KIRREL3: variants seen among roughly 807,000 people sequenced by gnomAD.
KIRREL3 encodes the protein kin of IRRE-like protein 3.
In KIRREL3, 36 loss-of-function variants were observed where a neutral mutation model predicts 89.7. That is an observed-to-expected ratio of 0.40 (90% CI 0.31 to 0.53). The LOEUF (loss-of-function observed/expected upper bound fraction) is 0.53. Among genes scored for constraint, KIRREL3 ranks in the 20% least tolerant of loss-of-function variants. The pLI, the probability that KIRREL3 is intolerant of heterozygous loss-of-function variation, is 0.49. For missense variants in KIRREL3, 864 were observed against 1,056.6 expected (o/e 0.82, Z 2.53); for synonymous variants, 445 against 441.4 (o/e 1.01, Z -0.10).
rs1339121615 is a variant in KIRREL3, at chr11:126,566,496, AG to A, written c.56-3585del. On this transcript the variant is annotated intron_variant, in intron 1 of 16. Coordinates refer to ENST00000525144, the MANE Select transcript of KIRREL3 (RefSeq NM_032531.4). The surrounding 1 kb of genome is among the most constrained non-coding windows in gnomAD (Gnocchi z 4.9). ...CTGGCTACAAAATATGGGACTGTGA[AG>A]GGTTCCTTCTGACTCGGGTCAGAAT... Among the ~76,000 whole-genome samples the A allele has an allele frequency of 3.3e-5, 5 of 152,188 alleles. No homozygotes were observed. The highest frequency in any genetic ancestry group is 7.4e-5 in the Non-Finnish European group (5 of 68,024).
At chr11:126,932,221 C>T (rs1947976292) in intron 1 of KIRREL3, among the ~76,000 whole-genome samples, 1 of 152,198 alleles carries the variant, frequency 6.6e-6, no homozygotes, top group Admixed American at 6.5e-5. Flanking sequence ...GTGAAAGGAG[C>T]AGTGTGGCTT....
At chr11:126,913,806 C>T (rs1946923838) in intron 1 of KIRREL3, among the ~76,000 whole-genome samples, 1 of 152,088 alleles carries the variant, frequency 6.6e-6, no homozygotes, top group South Asian at 2.1e-4. Context: ...TTGAAGAGGC[C>T]TGGCAGAGTA....
rs77138136 is a variant in KIRREL3, at chr11:126,872,530, A to G, written c.55+127925T>C. On this transcript the variant is annotated intron_variant, in intron 1 of 16. Transcript: ENST00000525144. This position sits in a 1 kb window ranked among gnomAD's most constrained non-coding sequence, Gnocchi z 4.2. Reference sequence around the variant, plus strand: ...GATTATTTCCTGGGTGAAGCCAAGAACCCTCCCGGACTAAGCCCCAATTTG... The same window carrying G: ...GATTATTTCCTGGGTGAAGCCAAGAGCCCTCCCGGACTAAGCCCCAATTTG... 1.3e-5 allele frequency among the ~76,000 whole-genome samples: 2 copies of G among 151,922 alleles called. No homozygotes were observed. Among genetic ancestry groups the G allele is most frequent in the African/African-American group, 2.4e-5 (1 of 41,332 alleles).
intron 1 of KIRREL3, among the ~76,000 whole-genome samples, chr11:126,701,429 G>A (rs766945798): frequency 2.0e-5 from 3 of 152,094 alleles, no homozygotes; most frequent in South Asian, 2.1e-4. Flanking sequence ...AAGAGGGACA[G>A]CAGGGAGGAA....
At chr11:126,680,285 CA>C (rs138173347) in intron 1 of KIRREL3, among the ~76,000 whole-genome samples, 1 of 151,998 alleles carries the variant, frequency 6.6e-6, no homozygotes, top group African/African-American at 2.4e-5. Context: ...AGTGAAAAGG[CA>C]AAAAATAGGC....
intron 2 of KIRREL3, among the ~76,000 whole-genome samples, chr11:126,552,412 C>G (rs868550553): frequency 9.8e-5 from 15 of 152,310 alleles, no homozygotes; most frequent in Admixed American, 1.3e-4. Flanking sequence ...CTCCCACCCC[C>G]ATCAGGGCCC....
intron 1 of KIRREL3, among the ~76,000 whole-genome samples, chr11:126,756,437 G>A (rs1228120710): frequency 6.6e-6 from 1 of 152,350 alleles, no homozygotes; most frequent in East Asian, 1.9e-4. Context: ...GGGCTTCCAG[G>A]AGGGCTTCAG....
rs1006565759 is a variant in KIRREL3 at position 126,563,854 on chromosome 11, A to AT, written c.56-943dup. Among the ~76,000 whole-genome samples, 10 of 152,150 alleles carry AT rather than the reference A, an allele frequency of 6.6e-5. No individual in the cohort carries two copies. The highest frequency in any genetic ancestry group is 3.9e-4 in the East Asian group (2 of 5,180). On this transcript the variant is annotated intron_variant, in intron 1 of 16. Transcript: ENST00000525144. This position sits in a 1 kb window ranked among gnomAD's most constrained non-coding sequence, Gnocchi z 6.8. ...TGGATCCTGAAGCAATAGCACACTA[A>AT]TTTTTTTGACCCCCCTCTACCCCCA... is the stretch of plus-strand genomic sequence containing the variant.
chr11:126,884,534 T>C (rs973824976), intron 1 of KIRREL3, among the ~76,000 whole-genome samples: 4 of 152,160 alleles, frequency 2.6e-5, no homozygotes, highest in Admixed American at 6.5e-5. Flanking sequence ...AGGAGAGGTC[T>C]GAGGAAGGCT....
At chr11:126,665,176 A>G (rs1014829697) in intron 1 of KIRREL3, among the ~76,000 whole-genome samples, 5 of 152,170 alleles carry the variant, frequency 3.3e-5, no homozygotes, top group Admixed American at 6.5e-5. Flanking sequence ...TGTGTGGAAA[A>G]ACAGAGCCCA....
intron 1 of KIRREL3, among the ~76,000 whole-genome samples, chr11:126,572,262 T>C (rs1940989696): frequency 6.6e-6 from 1 of 152,148 alleles, no homozygotes; most frequent in Admixed American, 6.5e-5. Flanking sequence ...CCCCTACAGT[T>C]CTCTTGAGGC....
At chr11:126,596,655 G>T (rs1363009431) in intron 1 of KIRREL3, among the ~76,000 whole-genome samples, 1 of 152,242 alleles carries the variant, frequency 6.6e-6, no homozygotes, top group African/African-American at 2.4e-5. Flanking sequence ...GCAGGCATGC[G>T]GGAGTGGGGA....
chr11:126,675,628 G>A lies in KIRREL3; in HGVS notation c.56-112716C>T, dbSNP rs574279283. ...TGGGGCCATCCCAATGCCTACTGTCGTTGCCACTCCCAAGAACAAAGAGCC... is the reference window on the plus strand; with the variant it reads ...TGGGGCCATCCCAATGCCTACTGTCATTGCCACTCCCAAGAACAAAGAGCC... On this transcript the variant is annotated intron_variant, in intron 1 of 16. Coordinates refer to ENST00000525144, the MANE Select transcript of KIRREL3 (RefSeq NM_032531.4). 4.3e-4 allele frequency among the ~76,000 whole-genome samples: 66 copies of A among 152,186 alleles called. 1 individual carries two copies. The highest frequency in any genetic ancestry group is 3.2e-3 in the Middle Eastern group (1 of 316).
rs192527065 is a variant in KIRREL3 at position 126,802,985 on chromosome 11, G to T, written c.55+197470C>A. ...TGTAAGGGAGCTGTATTCCCTGGAA[G>T]CTTCCTACATGGGTATTACAGAGTT... is the stretch of plus-strand genomic sequence containing the variant. On this transcript the variant is annotated intron_variant, in intron 1 of 16. Coordinates refer to ENST00000525144, the MANE Select transcript of KIRREL3 (RefSeq NM_032531.4). This position sits in a 1 kb window ranked among gnomAD's most constrained non-coding sequence, Gnocchi z 5.2. 5.8e-3 allele frequency among the ~76,000 whole-genome samples: 883 copies of T among 152,256 alleles called. 6 individuals carry two copies. Among genetic ancestry groups the T allele is most frequent in the Non-Finnish European group, 0.01 (693 of 68,022 alleles).
chr11:126,698,219 G>GT (rs1340481445), intron 1 of KIRREL3, among the ~76,000 whole-genome samples: 3 of 152,124 alleles, frequency 2.0e-5, no homozygotes, highest in Admixed American at 2.0e-4. Flanking sequence ...CTATCAGCAG[G>GT]TTTTTTACTG....
intron 1 of KIRREL3, among the ~76,000 whole-genome samples, chr11:126,702,248 AG>A (rs567536799): frequency 8.3e-4 from 126 of 152,362 alleles, no homozygotes; most frequent in African/African-American, 3.0e-3. Context: ...CCTGTCACAT[AG>A]AATGTACCCT....
rs1945887021 is a variant in KIRREL3 at position 126,890,765 on chromosome 11, C to T, written c.55+109690G>A. 6.6e-6 allele frequency among the ~76,000 whole-genome samples: 1 copy of T among 152,208 alleles called. No homozygotes were observed. Among genetic ancestry groups the T allele is most frequent in the Admixed American group, 6.5e-5 (1 of 15,284 alleles). Reference sequence around the variant, plus strand: ...GTAGACGACTGCAAACATGAGCGTCCCCCAGTCCCAGCACCACAGCGGCCT... The same window carrying T: ...GTAGACGACTGCAAACATGAGCGTCTCCCAGTCCCAGCACCACAGCGGCCT... On this transcript the variant is annotated intron_variant, in intron 1 of 16. Coordinates refer to ENST00000525144, the MANE Select transcript of KIRREL3 (RefSeq NM_032531.4). The surrounding 1 kb of genome is among the most constrained non-coding windows in gnomAD (Gnocchi z 5.1).
At chr11:126,921,548 T>A (rs1469940963) in intron 1 of KIRREL3, among the ~76,000 whole-genome samples, 1 of 127,304 alleles carries the variant, frequency 7.9e-6, no homozygotes, top group Non-Finnish European at 1.8e-5. Context: ...TTTTTCTTTC[T>A]ATCTATATCT....
chr11:126,934,198 A>G (rs565049076), intron 1 of KIRREL3, among the ~76,000 whole-genome samples: 1 of 152,318 alleles, frequency 6.6e-6, no homozygotes, highest in East Asian at 1.9e-4. Context: ...AGAAGGTATC[A>G]AGATAATTCA....
Sources: gnomAD v4.1 joint callset for allele counts (sites outside exome capture counted in the v4.1 genomes callset) on GRCh38, gnomAD v4.1.1 for gene constraint, Gnocchi (gnomAD v3.1) non-coding constraint, MANE v1.5 for transcripts, NCBI Gene and HGNC (gene_info 2026-07-23, HGNC 2026-07-21) for gene names.